BIVM: variants seen among roughly 807,000 people sequenced by gnomAD.
The protein encoded by BIVM is basic, immunoglobulin-like variable motif containing, also known as basic immunoglobulin-like variable motif-containing protein.
In BIVM, 31 loss-of-function variants were observed where a neutral mutation model predicts 61.4. The observed-to-expected ratio is 0.51, with a 90% CI of 0.38 to 0.68. BIVM has a LOEUF of 0.68. BIVM is among the 30% of genes least tolerant of loss of function. The pLI is 0.00. For missense variants in BIVM, 526 were observed against 596.0 expected (o/e 0.88, Z 1.22); for synonymous variants, 189 against 210.7 (o/e 0.90, Z 0.89).
chr13:102,808,595 C>A (rs552371073), intron 3 of BIVM, among the ~76,000 whole-genome samples: 69 of 152,102 alleles, frequency 4.5e-4, no homozygotes, highest in African/African-American at 1.6e-3. Context: ...CTTTTTTTGT[C>A]TAAATTTGTA....
At chr13:102,836,574 A>G (rs995135343) in intron 9 of BIVM, among the ~76,000 whole-genome samples, 6 of 152,196 alleles carry the variant, frequency 3.9e-5, no homozygotes, top group Non-Finnish European at 8.8e-5. Flanking sequence ...TTGGCCTCCC[A>G]AAGGGCCGGG....
chr13:102,832,556 A>G (rs1199325727), intron 8 of BIVM, among the ~76,000 whole-genome samples: 1 of 152,244 alleles, frequency 6.6e-6, no homozygotes, highest in Non-Finnish European at 1.5e-5. Flanking sequence ...TTTATAGACT[A>G]TGTCACAGTG....
At chr13:102,822,216 T>C (rs745953522) in intron 7 of BIVM, 57 bp downstream of exon 7, 1,424 of 1,457,420 alleles carry the variant, frequency 9.8e-4, no homozygotes, top group Non-Finnish European at 1.3e-3. Flanking sequence ...CACACACACA[T>C]ACACACACAC....
At chr13:102,800,037 C>T (rs1878639755) in intron 1 of BIVM, among the ~76,000 whole-genome samples, 1 of 152,234 alleles carries the variant, frequency 6.6e-6, no homozygotes, top group Non-Finnish European at 1.5e-5. Flanking sequence ...CCGGAGCCGC[C>T]TCCTCTGCCT....
intron 10 of BIVM, among the ~76,000 whole-genome samples, chr13:102,839,307 TG>T (rs1881684467): frequency 6.6e-6 from 1 of 152,082 alleles, no homozygotes; most frequent in Non-Finnish European, 1.5e-5. Flanking sequence ...ATTAGGCAGA[TG>T]GGGAAGTTCT....
Position 102,807,280 on chromosome 13 carries a change from G to T in BIVM, c.13G>T (p.Ala5Ser). The T allele has an allele frequency of 6.2e-7, 1 of 1,606,216 alleles. No homozygotes were observed. The highest frequency in any genetic ancestry group is 1.1e-5 in the South Asian group (1 of 90,602). The change falls in exon 3 of 11, where the codon GCA (alanine) becomes TCA (serine). Residue 5 changes from alanine to serine, a missense_variant. Physicochemically the swap from Ala to Ser is moderately conservative, Grantham distance 99 (BLOSUM62 1). Transcript: ENST00000257336. The surrounding 1 kb of genome is among the most constrained non-coding windows in gnomAD (Gnocchi z 4.0). ...TACACTGCATTCAATGCCTAACGTT[G>T]CAGAAACAGAAAGGTCAAATGATTC... MPNV[A>S]ETERSNDSGN...
At chr13:102,830,762 A>T (rs1306480822) in intron 7 of BIVM, among the ~76,000 whole-genome samples, 1 of 152,208 alleles carries the variant, frequency 6.6e-6, no homozygotes, top group Non-Finnish European at 1.5e-5. Context: ...AACAGAATTT[A>T]TTGGGTGAAA....
intron 7 of BIVM, among the ~76,000 whole-genome samples, chr13:102,829,947 C>A (rs994937711): frequency 1.3e-5 from 2 of 151,920 alleles, no homozygotes; most frequent in African/African-American, 4.8e-5. Context: ...TTGGATTGTC[C>A]CACAGTAGGC....
intron 5 of BIVM, among the ~76,000 whole-genome samples, chr13:102,821,374 G>C (rs1880270639): frequency 6.6e-6 from 1 of 152,072 alleles, no homozygotes; most frequent in Non-Finnish European, 1.5e-5. Context: ...CGGGAGTATT[G>C]CTTGAAGCCA....
At chr13:102,800,244 G>A (rs918933246) in intron 1 of BIVM, among the ~76,000 whole-genome samples, 2 of 152,226 alleles carry the variant, frequency 1.3e-5, no homozygotes, top group Non-Finnish European at 2.9e-5. Flanking sequence ...GCAATTGCCC[G>A]TGGGCCCCCT....
rs199842814 is a variant in BIVM at position 102,839,808 on chromosome 13, C to A, written c.1455C>A (p.Ile485=). Residue 485 remains isoleucine (I), a synonymous_variant, in exon 11 of 11, where the codon ATC becomes ATA. Coordinates refer to ENST00000257336, the MANE Select transcript of BIVM (RefSeq NM_017693.4). ...CGGCATGGAAAAAGATGTCTAGTATCCATGAGAGAAGGAACAGTGGTTACC... is the reference window on the plus strand; with the variant it reads ...CGGCATGGAAAAAGATGTCTAGTATACATGAGAGAAGGAACAGTGGTTACC... The part of the protein sequence containing the change: ...QDSAWKKMSS[I]HERRNSGYQG... 6 of 1,614,046 alleles carry A rather than the reference C, an allele frequency of 3.7e-6. No individual in the cohort carries two copies. In the African/African-American group the frequency reaches 5.3e-5, roughly 14 times the overall value.
chr13:102,823,934 G>T (rs555195322), intron 7 of BIVM, among the ~76,000 whole-genome samples: 15 of 152,164 alleles, frequency 9.9e-5, no homozygotes, highest in African/African-American at 2.6e-4. Context: ...GCTGTCTCTT[G>T]TTTCTTCTGG....
intron 7 of BIVM, 125 bp downstream of exon 7, chr13:102,822,284 C>A: frequency 1.2e-6 from 1 of 845,112 alleles, no homozygotes; most frequent in Non-Finnish European, 1.8e-6. Context: ...TATGTAAACC[C>A]TCAGCACAGT....
At chr13:102,824,661 G>A (rs1489588305) in intron 7 of BIVM, among the ~76,000 whole-genome samples, 1 of 152,196 alleles carries the variant, frequency 6.6e-6, no homozygotes, top group Non-Finnish European at 1.5e-5. Flanking sequence ...GGATATGGTG[G>A]TGTCCTGGGA....
rs780995847 is a variant in BIVM, at chr13:102,821,860, T to G, written c.806+13T>G. On this transcript the variant is annotated intron_variant, in intron 6 of 10. Coordinates refer to ENST00000257336, the MANE Select transcript of BIVM (RefSeq NM_017693.4). ...CAACACTTATGAGGTATGAAGACCC[T>G]CTTAGAGGCAATATCGTGTTTCTAG... 1.2e-5 allele frequency: 20 copies of G among 1,607,632 alleles called. No homozygotes were observed. The highest frequency in any genetic ancestry group is 1.7e-5 in the Non-Finnish European group (20 of 1,177,410).
At position 102,807,254 on chromosome 13, in the gene BIVM, T is replaced by C; in HGVS notation, c.-14T>C. ...AACTTGTTTCTAGTAATAGAAACTT[T>C]TACACTGCATTCAATGCCTAACGTT... On this transcript the variant is annotated 5_prime_UTR_variant, in exon 3 of 11. Transcript: ENST00000257336. This position sits in a 1 kb window ranked among gnomAD's most constrained non-coding sequence, Gnocchi z 4.0. 1.3e-6 allele frequency: 2 copies of C among 1,581,948 alleles called. No individual in the cohort carries two copies. The highest frequency in any genetic ancestry group is 1.7e-6 in the Non-Finnish European group (2 of 1,162,894).
intron 3 of BIVM, among the ~76,000 whole-genome samples, chr13:102,814,193 G>A (rs1029683040): frequency 5.3e-5 from 8 of 152,078 alleles, no homozygotes; most frequent in African/African-American, 1.9e-4. Flanking sequence ...AAGGAGCAGT[G>A]GGCGAAGGTT....
chr13:102,839,663 A>G lies in BIVM; in HGVS notation c.1310A>G (p.Gln437Arg). ...LWNFPFGTIR[Q>R]ESQPPTHAQG... is the part of the protein sequence containing the mutation. ...AACTTTCCATTTGGAACCATTAGAC[A>G]AGAATCACAACCTCCAACACATGCC... The change falls in exon 11 of 11, where the codon CAA (glutamine) becomes CGA (arginine). Residue 437 changes from glutamine (Q) to arginine (R), a missense_variant. By Grantham distance (43) the Gln-to-Arg change is conservative. Around this residue, in one of 3 missense-constraint regions of BIVM, gnomAD observed 210 missense variants for 233.1 expected, o/e 0.90. Coordinates refer to ENST00000257336, the MANE Select transcript of BIVM (RefSeq NM_017693.4). 6.2e-7 allele frequency: 1 copy of G among 1,614,236 alleles called. No homozygotes were observed. Among genetic ancestry groups the G allele is most frequent in the African/African-American group, 1.3e-5 (1 of 75,056 alleles).
intron 4 of BIVM, 42 bp downstream of exon 4, chr13:102,816,596 T>A: frequency 6.8e-7 from 1 of 1,463,928 alleles, no homozygotes; most frequent in Non-Finnish European, 9.0e-7. Context: ...TTGAAATATG[T>A]AATATATGTT....
Sources: allele counts gnomAD v4.1 joint callset (sites outside exome capture counted in the v4.1 genomes callset), GRCh38; gene constraint gnomAD v4.1.1; regional missense constraint gnomAD v4.1.1; non-coding constraint Gnocchi (gnomAD v3.1); transcripts MANE v1.5; gene names NCBI Gene and HGNC (gene_info 2026-07-23, HGNC 2026-07-21).